Variants in GRM7 observed in about 807,000 individuals in gnomAD.
GRM7 encodes the protein glutamate metabotropic receptor 7.
GRM7 carries 35 observed loss-of-function variants against 84.5 expected under a neutral mutation model. That is an observed-to-expected ratio of 0.41 (90% CI 0.32 to 0.55). The LOEUF (loss-of-function observed/expected upper bound fraction) is 0.55, where lower values mean the gene tolerates loss of function less well. GRM7 is among the 20% of genes least tolerant of loss of function. The pLI is 0.19. For missense variants in GRM7, 1,003 were observed against 1,194.6 expected (o/e 0.84, Z 2.36); for synonymous variants, 487 against 455.1 (o/e 1.07, Z -0.89).
At chr3:7,673,358 G>T (rs922136214) in intron 8 of GRM7, among the ~76,000 whole-genome samples, 5 of 152,148 alleles carry the variant, frequency 3.3e-5, no homozygotes, top group African/African-American at 1.2e-4. Flanking sequence ...TGCATACTCT[G>T]CAGCAGACAT....
intron 1 of GRM7, among the ~76,000 whole-genome samples, chr3:6,877,780 A>C (rs1479443391): frequency 6.6e-6 from 1 of 150,488 alleles, no homozygotes; most frequent in African/African-American, 2.5e-5. Context: ...TAAATTGAGG[A>C]TATATATACA....
chr3:7,504,295 T>C (rs1699974016), intron 7 of GRM7, among the ~76,000 whole-genome samples: 1 of 152,192 alleles, frequency 6.6e-6, no homozygotes, highest in Non-Finnish European at 1.5e-5. Context: ...TTTTCCTGCT[T>C]CTTTGTACTT....
chr3:6,887,212 G>C (rs1046485380), intron 1 of GRM7, among the ~76,000 whole-genome samples: 2 of 151,482 alleles, frequency 1.3e-5, no homozygotes, highest in African/African-American at 2.4e-5. Flanking sequence ...TAGAAGTAAA[G>C]TTTAAAGTCT....
At chr3:7,641,605 G>A (rs1381606661) in intron 8 of GRM7, among the ~76,000 whole-genome samples, 2 of 152,074 alleles carry the variant, frequency 1.3e-5, no homozygotes, top group African/African-American at 4.8e-5. Context: ...GGGAGAATGG[G>A]GAGAATCCAA....
intron 9 of GRM7, among the ~76,000 whole-genome samples, chr3:7,701,998 G>A (rs546298019): frequency 5.9e-5 from 9 of 152,188 alleles, no homozygotes; most frequent in African/African-American, 1.7e-4. Flanking sequence ...AACATGCATT[G>A]GACCACATGA....
intron 1 of GRM7, among the ~76,000 whole-genome samples, chr3:7,081,513 G>C (rs971632533): frequency 2.6e-5 from 4 of 151,946 alleles, no homozygotes; most frequent in African/African-American, 7.2e-5. Flanking sequence ...CCTATTTTCT[G>C]AGACAGCAAT....
chr3:7,488,888 T>TATTTATTTATTTA (rs1559357492), intron 7 of GRM7, among the ~76,000 whole-genome samples: 1 of 151,844 alleles, frequency 6.6e-6, no homozygotes. Flanking sequence ...TTTATTTATT[T>TATTTATTTATTTA]TTGGAAGAAG....
chr3:7,627,193 C>T (rs1272176555), intron 8 of GRM7, among the ~76,000 whole-genome samples: 2 of 152,112 alleles, frequency 1.3e-5, no homozygotes, highest in East Asian at 1.9e-4. Flanking sequence ...TTTTAAATCA[C>T]TTTGAGTTTA....
chr3:7,389,851 T>G (rs992827460), intron 4 of GRM7, among the ~76,000 whole-genome samples: 2 of 152,066 alleles, frequency 1.3e-5, no homozygotes, highest in African/African-American at 4.8e-5. Flanking sequence ...GCATTCAAAG[T>G]TAATATTGAT....
At chr3:7,574,716 A>G (rs926358572) in intron 7 of GRM7, among the ~76,000 whole-genome samples, 1 of 152,224 alleles carries the variant, frequency 6.6e-6, no homozygotes, top group African/African-American at 2.4e-5. Context: ...GCAGTATTTC[A>G]GATAAGAACC....
At chr3:7,261,018 G>A (rs1026275499) in intron 2 of GRM7, among the ~76,000 whole-genome samples, 2 of 152,054 alleles carry the variant, frequency 1.3e-5, no homozygotes, top group Non-Finnish European at 2.9e-5. Flanking sequence ...ATCTGCTAGG[G>A]GGGTGCCAGT....
At position 6,986,545 on chromosome 3, in the gene GRM7, G is replaced by A. The variant is rs910011603; in HGVS notation, c.519+124638G>A. Among the ~76,000 whole-genome samples the A allele has an allele frequency of 6.6e-5, 10 of 152,092 alleles. No homozygotes were observed. The East Asian group carries it at 7.7e-4, about 12-fold the overall frequency. Reference sequence around the variant, plus strand: ...ATGTTCACTCTGTTAATGCTCATACGTGGTCTTCTGCCTCACACCCTCATG... The same window carrying A: ...ATGTTCACTCTGTTAATGCTCATACATGGTCTTCTGCCTCACACCCTCATG... On this transcript the variant is annotated intron_variant, in intron 1 of 9. Coordinates refer to ENST00000357716, the MANE Select transcript of GRM7 (RefSeq NM_000844.4).
At chr3:7,388,592 A>AT (rs1212788386) in intron 4 of GRM7, among the ~76,000 whole-genome samples, 3 of 151,788 alleles carry the variant, frequency 2.0e-5, no homozygotes, top group Non-Finnish European at 2.9e-5. Flanking sequence ...TGGTTCATAG[A>AT]TTTTTTAGTA....
chr3:7,128,508 G>GT (rs1337942490), intron 1 of GRM7, among the ~76,000 whole-genome samples: 3,032 of 74,910 alleles, frequency 0.04, 431 homozygotes, highest in African/African-American at 0.068. Flanking sequence ...AGACTTCCTT[G>GT]TTTTTTTTTT....
At chr3:7,621,709 T>C (rs1429173826) in intron 8 of GRM7, among the ~76,000 whole-genome samples, 2 of 152,020 alleles carry the variant, frequency 1.3e-5, no homozygotes, top group Non-Finnish European at 2.9e-5. Context: ...AAATTTCACA[T>C]GGAGGGAGGT....
rs139801456 is a variant in GRM7, at chr3:7,155,640, A to C, written c.736+8972A>C. Among the ~76,000 whole-genome samples the C allele has an allele frequency of 5.6e-3, 856 of 152,268 alleles. 8 individuals are homozygous for C. Among genetic ancestry groups the C allele is most frequent in the African/African-American group, 0.019 (802 of 41,568 alleles). On this transcript the variant is annotated intron_variant, in intron 2 of 9. Transcript: ENST00000357716. ...TGAACAACCTGATATGTGTAAATGC[A>C]GCCTCTTTGAGACCTGCACAAAGGG...
chr3:7,413,462 A>G (rs17047282), intron 4 of GRM7, among the ~76,000 whole-genome samples: 7,086 of 152,290 alleles, frequency 0.047, 481 homozygotes, highest in African/African-American at 0.15. Flanking sequence ...AATCTGACTC[A>G]GCTAAGAGGA....
chr3:7,492,397 G>T (rs1300239753), intron 7 of GRM7, among the ~76,000 whole-genome samples: 1 of 152,076 alleles, frequency 6.6e-6, no homozygotes, highest in African/African-American at 2.4e-5. Flanking sequence ...TTATAGAACT[G>T]TTCAGTTTGT....
intron 2 of GRM7, among the ~76,000 whole-genome samples, chr3:7,260,607 T>A (rs902291218): frequency 1.7e-4 from 26 of 152,104 alleles, no homozygotes; most frequent in African/African-American, 6.3e-4. Flanking sequence ...TCTTTATTAG[T>A]CTAGCTAGTG....
Sources: allele counts gnomAD v4.1 joint callset (sites outside exome capture counted in the v4.1 genomes callset), GRCh38; gene constraint gnomAD v4.1.1; transcripts MANE v1.5; gene names NCBI Gene and HGNC (gene_info 2026-07-23, HGNC 2026-07-21).